Variants in PCDHGA6 observed in about 807,000 individuals in gnomAD.
The protein encoded by PCDHGA6 is protocadherin gamma-A6.
In PCDHGA6, 41 loss-of-function variants were observed where a neutral mutation model predicts 60.6. The observed-to-expected ratio is 0.68, with a 90% CI of 0.53 to 0.88. The LOEUF is 0.88. PCDHGA6 is among the 40% of genes least tolerant of loss of function. PCDHGA6 has a pLI of 0.00. For synonymous variants in PCDHGA6, 594 were observed against 524.4 expected (o/e 1.13, Z -1.81); for missense variants, 1,312 against 1,203.0 (o/e 1.09, Z -1.34).
At chr5:141,392,852 G>A in intron 1 of PCDHGA6, 3 of 1,611,984 alleles carry the variant, frequency 1.9e-6, no homozygotes, top group Non-Finnish European at 2.5e-6. Context: ...GCGGCGAGCT[G>A]ATCCTGCTGT....
At chr5:141,450,006 CTTTTTTT>C (rs1554136305) in intron 1 of PCDHGA6, among the ~76,000 whole-genome samples, 12 of 132,986 alleles carry the variant, frequency 9.0e-5, no homozygotes, top group Non-Finnish European at 1.7e-4. Context: ...TGCCATGTCT[CTTTTTTT>C]TTTTTTTTTT....
chr5:141,422,400 G>A (rs1207332302), intron 1 of PCDHGA6: 3 of 1,598,664 alleles, frequency 1.9e-6, no homozygotes, highest in South Asian at 2.3e-5. Context: ...CTAACCACCT[G>A]CCTTTTAAAT....
In PCDHGA6 at chr5:141,433,032, C is replaced by T. The variant is rs751061646; in HGVS notation, c.2424+56525C>T. The T allele has an allele frequency of 2.5e-6, 4 of 1,614,188 alleles. No homozygotes were observed. Among genetic ancestry groups the T allele is most frequent in the African/African-American group, 2.7e-5 (2 of 75,058 alleles). On this transcript the variant is annotated intron_variant, in intron 1 of 3. Transcript: ENST00000517434. ...CTGCAGACCTATTCCCACGAGGTTTCCCTCACCACGGACTCGCGGAAGAGT... is the reference window on the plus strand; with the variant it reads ...CTGCAGACCTATTCCCACGAGGTTTTCCTCACCACGGACTCGCGGAAGAGT...
Position 141,374,326 on chromosome 5 carries a change from C to A in PCDHGA6, c.243C>A (p.Asn81Lys). ...AGCTTTTCTCTCTGAATCCGCGAAACGGCAGCTTGGTCACCGCGGGTAGGA... is the reference window on the plus strand; with the variant it reads ...AGCTTTTCTCTCTGAATCCGCGAAAAGGCAGCTTGGTCACCGCGGGTAGGA... The part of the protein sequence containing the change: ...RMQLFSLNPR[N>K]GSLVTAGRID... The change falls in exon 1 of 4, where the codon AAC (asparagine) becomes AAA (lysine). Residue 81 changes from asparagine to lysine, a missense_variant. By Grantham distance (94) the Asn-to-Lys change is moderately conservative. Transcript: ENST00000517434. 1 of 1,613,980 alleles carries A rather than the reference C, an allele frequency of 6.2e-7. No individual in the cohort carries two copies. Among genetic ancestry groups the A allele is most frequent in the Non-Finnish European group, 8.5e-7 (1 of 1,179,862 alleles).
rs182104750 is a variant in PCDHGA6 at position 141,376,315 on chromosome 5, A to C, written c.2232A>C (p.Glu744Asp). 8.5e-4 allele frequency: 1,369 copies of C among 1,614,156 alleles called. 7 individuals are homozygous for C. The Middle Eastern group carries it at 0.016, about 18-fold the overall frequency. The change falls in exon 1 of 4, where the codon GAA becomes GAC. Residue 744 changes from glutamate to aspartate, a missense_variant. Coordinates refer to ENST00000517434, the MANE Select transcript of PCDHGA6 (RefSeq NM_018919.3). ...SMPGSHFVGVEGVRAFLQTYS... is the reference protein window; with the variant it reads ...SMPGSHFVGVDGVRAFLQTYS... ...CCGGCTCGCACTTTGTGGGCGTGGA[A>C]GGGGTTCGGGCTTTCCTGCAGACCT...
At chr5:141,413,082 A>T in intron 1 of PCDHGA6, 8 of 1,344,446 alleles carry the variant, frequency 6.0e-6, no homozygotes, top group Non-Finnish European at 8.1e-6. Context: ...CCCAGGCTAC[A>T]GAGACACCCT....
rs1383090266 is a variant in PCDHGA6, at chr5:141,388,828, T to C, written c.2424+12321T>C. 6.2e-7 allele frequency: 1 copy of C among 1,613,894 alleles called. No homozygotes were observed. Among genetic ancestry groups the C allele is most frequent in the South Asian group, 1.1e-5 (1 of 91,070 alleles). ...TTTGAAGAAGTCAAAGAATATTCCA[T>C]AGTTTTGGAAGCAAGGGACGGTGGA... On this transcript the variant is annotated intron_variant, in intron 1 of 3. Coordinates refer to ENST00000517434, the MANE Select transcript of PCDHGA6 (RefSeq NM_018919.3).
intron 1 of PCDHGA6, chr5:141,403,000 A>T: frequency 1.1e-5 from 18 of 1,613,980 alleles, no homozygotes; most frequent in Non-Finnish European, 1.4e-5. Context: ...TAGTCCTGCT[A>T]TGCTCGCTCC....
Position 141,423,156 on chromosome 5 carries a change from CGTG to C in PCDHGA6, c.2424+46654_2424+46656del, listed in dbSNP as rs776903094. On this transcript the variant is annotated intron_variant, in intron 1 of 3. Coordinates refer to ENST00000517434, the MANE Select transcript of PCDHGA6 (RefSeq NM_018919.3). ...ACAGAGACGCGCTCAAGCAGAGCCT[CGTG>C]GTGGCCGTCCAGGACCACGGCCAGC... 8.2e-4 allele frequency: 1,328 copies of C among 1,613,396 alleles called. 15 individuals are homozygous for C. Among genetic ancestry groups the C allele is most frequent in the Admixed American group, 9.5e-4 (57 of 60,016 alleles).
At chr5:141,507,106 A>T (rs1205648425) in intron 3 of PCDHGA6, 1 of 152,118 alleles carries the variant, frequency 6.6e-6, no homozygotes, top group African/African-American at 2.4e-5. Context: ...TACTATAGGG[A>T]CCATGGCTGC....
At chr5:141,385,826 TTACAG>T (rs2090363283) in intron 1 of PCDHGA6, 1 of 155,578 alleles carries the variant, frequency 6.4e-6, no homozygotes, top group Non-Finnish European at 1.4e-5. Flanking sequence ...CTTGACCTAT[TTACAG>T]TATAATCATT....
chr5:141,463,382 T>C (rs2099057893), intron 1 of PCDHGA6, among the ~76,000 whole-genome samples: 1 of 151,594 alleles, frequency 6.6e-6, no homozygotes, highest in Admixed American at 6.6e-5. Context: ...AGTCTGAAAG[T>C]TGTCTCCAGG....
chr5:141,409,018 G>T lies in PCDHGA6; in HGVS notation c.2424+32511G>T, dbSNP rs369210340. The T allele has an allele frequency of 4.0e-5, 64 of 1,613,814 alleles. No individual in the cohort carries two copies. The Admixed American group carries it at 1.1e-3, about 27-fold the overall frequency. ...TGACAGCCACTGACCAGGATGAGGG[G>T]GTCAATGCTGAGATAAACTACTACT... On this transcript the variant is annotated intron_variant, in intron 1 of 3. Transcript: ENST00000517434.
At chr5:141,492,506 C>T (rs2154587372) in intron 1 of PCDHGA6, among the ~76,000 whole-genome samples, 2 of 152,318 alleles carry the variant, frequency 1.3e-5, no homozygotes, top group South Asian at 4.1e-4. Context: ...ACTCCGGAGC[C>T]TCCTCTCACC....
At position 141,490,148 on chromosome 5, in the gene PCDHGA6, A is replaced by G. The variant is rs2154582223; in HGVS notation, c.2425-4659A>G. The G allele has an allele frequency of 1.2e-6, 2 of 1,614,232 alleles. No homozygotes were observed. The highest frequency in any genetic ancestry group is 4.5e-5 in the East Asian group (2 of 44,888). On this transcript the variant is annotated intron_variant, in intron 1 of 3. Coordinates refer to ENST00000517434, the MANE Select transcript of PCDHGA6 (RefSeq NM_018919.3). The surrounding 1 kb of genome is among the most constrained non-coding windows in gnomAD (Gnocchi z 5.4). The stretch of plus-strand genomic sequence containing the variant: ...CTAGACCCTAGCAGTGGGGCAATCC[A>G]TGTGTTGGGTCCCATAGACTTTGAG...
chr5:141,409,462 C>T (rs377705841), intron 1 of PCDHGA6: 3 of 1,613,988 alleles, frequency 1.9e-6, no homozygotes, highest in Non-Finnish European at 2.5e-6. Flanking sequence ...AATACAATGT[C>T]ACCATCGTAG....
At chr5:141,409,755 G>C (rs2095312141) in intron 1 of PCDHGA6, 1 of 1,613,024 alleles carries the variant, frequency 6.2e-7, no homozygotes, top group Non-Finnish European at 8.5e-7. Flanking sequence ...TTCGCGCAGC[G>C]CGCCTTTGAT....
chr5:141,480,599 C>A (rs1202373543), intron 1 of PCDHGA6, among the ~76,000 whole-genome samples: 1 of 141,438 alleles, frequency 7.1e-6, no homozygotes, highest in East Asian at 1.9e-4. Flanking sequence ...TCTGGTCAGC[C>A]TGGAAAGCAA....
intron 1 of PCDHGA6, chr5:141,383,671 G>T: frequency 6.2e-7 from 1 of 1,613,998 alleles, no homozygotes; most frequent in Non-Finnish European, 8.5e-7. Flanking sequence ...TGTGCCAGTG[G>T]GTACAAGACT....
Sources: allele counts gnomAD v4.1 joint callset (sites outside exome capture counted in the v4.1 genomes callset), GRCh38; gene constraint gnomAD v4.1.1; non-coding constraint Gnocchi (gnomAD v3.1); transcripts MANE v1.5; gene names NCBI Gene and HGNC (gene_info 2026-07-23, HGNC 2026-07-21).